Variants in ANKRD26 observed in about 807,000 individuals in gnomAD.
The protein encoded by ANKRD26 is ankyrin repeat domain-containing protein 26.
In ANKRD26, 141 loss-of-function variants were observed where a neutral mutation model predicts 208.7. That is an observed-to-expected ratio of 0.68 (90% CI 0.59 to 0.78). ANKRD26 has a LOEUF of 0.78. Ranked by LOEUF, ANKRD26 falls within the 30% of genes least tolerant of loss-of-function variation. ANKRD26 has a pLI of 0.00. For missense variants in ANKRD26, 1,889 were observed against 1,938.7 expected, an observed-to-expected ratio of 0.97 and a Z score of 0.48; for synonymous variants, 636 against 660.4, an observed-to-expected ratio of 0.96 and a Z score of 0.57.
exon 6 of ANKRD26, among the ~76,000 whole-genome samples, chr10:26,973,877 G>T (rs767266329): frequency 8.6e-5 from 13 of 151,550 alleles, no homozygotes; most frequent in Non-Finnish European, 1.8e-4. Context: ...GGCTGGTCTC[G>T]AACTCTTGAC....
At chr10:26,998,342 G>C (rs1054377143) in intron 4 of ANKRD26, among the ~76,000 whole-genome samples, 2 of 152,214 alleles carry the variant, frequency 1.3e-5, no homozygotes. Flanking sequence ...GGAACACTGA[G>C]GGAATGACAT....
At chr10:26,953,328 C>T in the ANKRD26 span, among the ~76,000 whole-genome samples, 11 of 152,144 alleles carry the variant, frequency 7.2e-5, no homozygotes, top group Non-Finnish European at 1.5e-4. Context: ...GAGGCTGAGG[C>T]AGGGATGTTT....
intron 11 of ANKRD26, 106 bp downstream of exon 11, chr10:27,066,381 T>C: frequency 1.4e-6 from 1 of 735,632 alleles, no homozygotes; most frequent in Non-Finnish European, 2.3e-6. Context: ...AGTAGTTCCT[T>C]ATGGATGTAT....
chr10:26,970,155 T>C (rs530735490), downstream of ANKRD26, among the ~76,000 whole-genome samples: 2 of 152,192 alleles, frequency 1.3e-5, no homozygotes, highest in East Asian at 3.9e-4. Context: ...TGTTTAATAC[T>C]AGATAATTGT....
intron 16 of ANKRD26, among the ~76,000 whole-genome samples, chr10:27,049,294 A>T (rs563281372): frequency 6.6e-6 from 1 of 152,210 alleles, no homozygotes; most frequent in East Asian, 1.9e-4. Context: ...ATCTACTATG[A>T]ATTTTCACCC....
At chr10:27,010,286 C>G (rs2053051701) in intron 32 of ANKRD26, among the ~76,000 whole-genome samples, 1 of 152,092 alleles carries the variant, frequency 6.6e-6, no homozygotes, top group Admixed American at 6.6e-5. Context: ...TATTTTTCAG[C>G]TTATCTAGAA....
At position 27,037,245 on chromosome 10, in the gene ANKRD26, T is replaced by A. The variant is rs1312161221; in HGVS notation, c.2638A>T (p.Thr880Ser). The change falls in exon 23 of 34, where the codon ACC becomes TCC. Residue 880 changes from threonine to serine, a missense_variant. Physicochemically the swap from Thr to Ser is moderately conservative, Grantham distance 58. Around this residue, in one of 3 missense-constraint regions of ANKRD26, gnomAD observed 1,272 missense variants for 1,273.8 expected, o/e 1.00. Coordinates refer to ENST00000376087, the MANE Select transcript of ANKRD26 (RefSeq NM_014915.3). ...TCCTTTTGTTTGGAAAGGTGATTGG[T>A]CAGAATTCCATCTTGTAACATTCTG... ...NARMLQDGIL[T>S]NHLSKQKEIE... is the part of the protein sequence containing the mutation. 6.2e-7 allele frequency: 1 copy of A among 1,613,894 alleles called. No individual in the cohort carries two copies. The highest frequency in any genetic ancestry group is 8.5e-7 in the Non-Finnish European group (1 of 1,179,806).
chr10:27,029,450 G>C, intron 25 of ANKRD26, 94 bp from the exon 26 acceptor site: 1 of 1,136,894 alleles, frequency 8.8e-7, no homozygotes, highest in Non-Finnish European at 1.3e-6. Context: ...TCGGAACACA[G>C]TCATACCCCT....
At position 27,006,976 on chromosome 10, in the gene ANKRD26, A is replaced by G. The variant is rs1320231004; in HGVS notation, c.4954-14T>C. ...CTCCTGCTGCATCTGAAAAAAGTCAAATGTTATTTATAATGTTTAAGTTAG... is the reference window on the plus strand; with the variant it reads ...CTCCTGCTGCATCTGAAAAAAGTCAGATGTTATTTATAATGTTTAAGTTAG... On this transcript the variant is annotated splice_polypyrimidine_tract_variant and intron_variant, in intron 32 of 33. Transcript: ENST00000376087. 14 of 1,586,942 alleles carry G rather than the reference A, an allele frequency of 8.8e-6. No individual in the cohort carries two copies. The highest frequency in any genetic ancestry group is 1.2e-5 in the Non-Finnish European group (14 of 1,156,802).
At chr10:27,089,820 C>A (rs1485012757) in intron 4 of ANKRD26, among the ~76,000 whole-genome samples, 1 of 152,048 alleles carries the variant, frequency 6.6e-6, no homozygotes, top group Non-Finnish European at 1.5e-5. Flanking sequence ...AAGAATCCTA[C>A]ATGCATTGCT....
In ANKRD26 at chr10:27,035,032, G is replaced by A. The variant is rs754697716; in HGVS notation, c.3418C>T (p.Gln1140Ter). ...ESVEERLSQLQSENMLLRQQL... is the reference protein window; with the variant it reads ...ESVEERLSQL ...TGTCGAAGCAACATATTCTCACTTT[G>A]TAGTTGAGACAATCTCTCCTCTACA... The change falls in exon 24 of 34, where the codon CAA becomes TAA. Residue 1140 changes from glutamine to a stop codon, truncating the protein, a stop_gained. Transcript: ENST00000376087. LOFTEE classifies it high-confidence loss of function. 6.2e-7 allele frequency: 1 copy of A among 1,613,898 alleles called. No individual in the cohort carries two copies. The highest frequency in any genetic ancestry group is 8.5e-7 in the Non-Finnish European group (1 of 1,179,902).
At chr10:26,995,283 T>C (rs1365772145) in intron 4 of ANKRD26, 2 of 423,410 alleles carry the variant, frequency 4.7e-6, no homozygotes, top group Non-Finnish European at 9.6e-6. Flanking sequence ...CTCAAGAGAA[T>C]GCGGTACACA....
chr10:27,067,970 A>G (rs998450849), intron 9 of ANKRD26, among the ~76,000 whole-genome samples: 3 of 152,212 alleles, frequency 2.0e-5, no homozygotes, highest in African/African-American at 7.2e-5. Context: ...ACAGAAAAGT[A>G]TAATTCACTA....
chr10:27,064,592 T>C (rs907318238), intron 11 of ANKRD26, among the ~76,000 whole-genome samples: 4 of 152,198 alleles, frequency 2.6e-5, no homozygotes, highest in African/African-American at 9.6e-5. Context: ...TGTGGCATGA[T>C]AAGAAACTCT....
In ANKRD26 at chr10:27,072,641, C is replaced by T. The variant is rs74128561; in HGVS notation, c.1077+4697G>A. 2.8e-3 allele frequency among the ~76,000 whole-genome samples: 432 copies of T among 152,288 alleles called. 2 individuals are homozygous for T. The highest frequency in any genetic ancestry group is 9.9e-3 in the African/African-American group (411 of 41,570). ...ACTGCAACTGGCGCTCTTTTGCAAG[C>T]GCCACCTCCTGGCTAAAACTCAACA... On this transcript the variant is annotated intron_variant, in intron 9 of 33. Transcript: ENST00000376087.
chr10:27,025,723 G>C (rs1423778181), intron 27 of ANKRD26, among the ~76,000 whole-genome samples: 1 of 152,012 alleles, frequency 6.6e-6, no homozygotes, highest in African/African-American at 2.4e-5. Flanking sequence ...GCTGAGTCCT[G>C]TCCCCTTCCA....
intron 29 of ANKRD26, among the ~76,000 whole-genome samples, chr10:27,019,416 G>A (rs2053413923): frequency 6.6e-6 from 1 of 152,038 alleles, no homozygotes; most frequent in South Asian, 2.1e-4. Context: ...CAAACTATTC[G>A]AGTAGGTGCT....
At chr10:26,960,070 G>A in the ANKRD26 span, among the ~76,000 whole-genome samples, 2 of 151,860 alleles carry the variant, frequency 1.3e-5, no homozygotes, top group African/African-American at 4.8e-5. Flanking sequence ...GCTGAGACAC[G>A]AGAATCACTT....
chr10:26,952,270 C>T, the ANKRD26 span, among the ~76,000 whole-genome samples: 3 of 151,812 alleles, frequency 2.0e-5, no homozygotes, highest in Admixed American at 6.6e-5. Flanking sequence ...GTGTGCTGTG[C>T]CCACAGCTTC....
Sources: allele counts gnomAD v4.1 joint callset (sites outside exome capture counted in the v4.1 genomes callset), GRCh38; gene constraint gnomAD v4.1.1; regional missense constraint gnomAD v4.1.1; transcripts MANE v1.5; gene names NCBI Gene and HGNC (gene_info 2026-07-23, HGNC 2026-07-21).